Variants in OTX1 observed in about 807,000 individuals in gnomAD.
OTX1 encodes orthodenticle homeobox 1.
OTX1 carries 7 observed loss-of-function variants against 26.7 expected under a neutral mutation model. The ratio of observed to expected loss-of-function variants is 0.26; its 90% CI spans 0.15 to 0.49. The LOEUF (loss-of-function observed/expected upper bound fraction) is 0.49. Ranked by LOEUF, OTX1 falls within the 20% of genes least tolerant of loss-of-function variation. The pLI is 0.98. For synonymous variants in OTX1, 216 were observed against 212.8 expected (o/e 1.01, Z -0.13); for missense variants, 414 against 483.8 (o/e 0.86, Z 1.35).
rs2162011 is a variant in OTX1, at chr2:63,055,432, G to C, written c.250-69G>C. 2 of 1,492,420 alleles carry C rather than the reference G, an allele frequency of 1.3e-6. No individual in the cohort carries two copies. Among genetic ancestry groups the C allele is most frequent in the Admixed American group, 4.0e-5 (2 of 50,496 alleles). The allele number at this position is 1,492,420 out of a possible 1,614,324, so 92.4% of individuals were successfully genotyped here. A position where few individuals can be genotyped will look rare whatever the true frequency, so the allele number is the denominator to read the frequency against. Reference sequence around the variant, plus strand: ...ATATTCTGGACCGGGAGTTGGGTCCGCGGGGCGGTGGAGCAACAAGCTCCC... The same window carrying C: ...ATATTCTGGACCGGGAGTTGGGTCCCCGGGGCGGTGGAGCAACAAGCTCCC... On this transcript the variant is annotated intron_variant, in intron 4 of 4. Transcript: ENST00000282549. The surrounding 1 kb of genome is among the most constrained non-coding windows in gnomAD (Gnocchi z 5.2).
At chr2:63,052,855 T>A in intron 2 of OTX1, 25 bp from the exon 3 acceptor site, 1 of 610,798 alleles carries the variant, frequency 1.6e-6, no homozygotes, top group Non-Finnish European at 2.9e-6. Context: ...GATTGACGGT[T>A]TCCGTGTGTC....
Position 63,053,317 on chromosome 2 carries a change from G to T in OTX1, c.97+230G>T, listed in dbSNP as rs373192489. On this transcript the variant is annotated intron_variant, in intron 3 of 4. Transcript: ENST00000282549. ...CGCGCAATATGCGCCTTCCCGGCCGGATCACCGGCAACCTTTCTCCGGTTG... is the reference window on the plus strand; with the variant it reads ...CGCGCAATATGCGCCTTCCCGGCCGTATCACCGGCAACCTTTCTCCGGTTG... The T allele has an allele frequency of 3.2e-5, 14 of 441,700 alleles. No individual in the cohort carries two copies. In the East Asian group the frequency reaches 3.3e-4, roughly 10 times the overall value. 27.4% of individuals were successfully genotyped at this position (441,700 alleles called of 1,614,324 possible).
chr2:63,056,675 C>G lies in OTX1; in HGVS notation c.*359C>G, dbSNP rs764450158. The G allele has an allele frequency of 2.2e-4, 63 of 287,430 alleles. No individual in the cohort carries two copies. Among genetic ancestry groups the G allele is most frequent in the Non-Finnish European group, 2.8e-4 (43 of 151,252 alleles). The allele number at this position is 287,430 out of a possible 1,614,324, so 17.8% of individuals were successfully genotyped here. ...TTGCAGCCTTCGGAGGCTCTGCGCT[C>G]TGATCCGCTGTTTGAGCCCAACACT... On this transcript the variant is annotated 3_prime_UTR_variant, in exon 5 of 5. Coordinates refer to ENST00000282549, the MANE Select transcript of OTX1 (RefSeq NM_014562.4).
chr2:63,056,506 C>T lies in OTX1; in HGVS notation c.*190C>T. The T allele has an allele frequency of 3.3e-6, 2 of 614,208 alleles. No homozygotes were observed. The highest frequency in any genetic ancestry group is 5.7e-6 in the Non-Finnish European group (2 of 350,112). 38.0% of individuals were successfully genotyped at this position (614,208 alleles called of 1,614,324 possible). On this transcript the variant is annotated 3_prime_UTR_variant, in exon 5 of 5. Coordinates refer to ENST00000282549, the MANE Select transcript of OTX1 (RefSeq NM_014562.4). ...CCACTTGCTTGGGGGGATGTGCAAA[C>T]CCACCCTGCCCCTTGGATGGGGGGA...
At chr2:63,053,212 C>G in intron 3 of OTX1, 125 bp downstream of exon 3, 1 of 629,874 alleles carries the variant, frequency 1.6e-6, no homozygotes, top group Non-Finnish European at 2.7e-6. Flanking sequence ...ACAGGGCCCA[C>G]TGTCTGTTTA....
At position 63,055,904 on chromosome 2, in the gene OTX1, C is replaced by G; in HGVS notation, c.653C>G (p.Ala218Gly). 6.2e-7 allele frequency: 1 copy of G among 1,612,638 alleles called. No homozygotes were observed. Among genetic ancestry groups the G allele is most frequent in the Non-Finnish European group, 8.5e-7 (1 of 1,180,000 alleles). ...RSVAAGAATA[A>G]ASYPMSYGQG... ...GTAGCTGCAGGCGCCGCCACCGCAGCAGCCTCTTATCCCATGTCCTACGGC... is the reference window on the plus strand; with the variant it reads ...GTAGCTGCAGGCGCCGCCACCGCAGGAGCCTCTTATCCCATGTCCTACGGC... The change falls in exon 5 of 5, where the codon GCA (alanine) becomes GGA (glycine). Residue 218 changes from alanine to glycine, a missense_variant. Physicochemically the swap from Ala to Gly is moderately conservative, Grantham distance 60. Around this residue, in one of 3 missense-constraint regions of OTX1, gnomAD observed 320 missense variants for 347.9 expected, o/e 0.92. Coordinates refer to ENST00000282549, the MANE Select transcript of OTX1 (RefSeq NM_014562.4). This position sits in a 1 kb window ranked among gnomAD's most constrained non-coding sequence, Gnocchi z 5.2.
intron 2 of OTX1, chr2:63,052,017 T>A (rs1376828751): frequency 6.6e-6 from 1 of 152,476 alleles, no homozygotes; most frequent in African/African-American, 2.4e-5. Flanking sequence ...CGCGACTTGC[T>A]GCCCTCCGGC....
Position 63,056,168 on chromosome 2 carries a change from G to C in OTX1, c.917G>C (p.Gly306Ala), listed in dbSNP as rs768136497. The C allele has an allele frequency of 1.2e-6, 2 of 1,613,956 alleles. No individual in the cohort carries two copies. The highest frequency in any genetic ancestry group is 1.7e-6 in the Non-Finnish European group (2 of 1,180,010). The change falls in exon 5 of 5, where the codon GGC (glycine) becomes GCC (alanine). Residue 306 changes from glycine (G) to alanine (A), a missense_variant. Gly to Ala is a moderately conservative substitution (Grantham distance 60). Coordinates refer to ENST00000282549, the MANE Select transcript of OTX1 (RefSeq NM_014562.4). The part of the protein sequence containing the change: ...HHHHHHQGYG[G>A]SGLAFNSADC... ...CACCACCACCACCAAGGCTACGGTG[G>C]CTCTGGGCTTGCCTTCAACTCTGCC...
chr2:63,055,483 C>T lies in OTX1; in HGVS notation c.250-18C>T. 3.1e-6 allele frequency: 5 copies of T among 1,605,104 alleles called. No individual in the cohort carries two copies. The highest frequency in any genetic ancestry group is 4.3e-6 in the Non-Finnish European group (5 of 1,174,842). ...CTAGCTCCCTTTGACCCACTCTCCC[C>T]CATCCGGCCCACTGCAGGTCTGGTT... On this transcript the variant is annotated intron_variant, in intron 4 of 4. Transcript: ENST00000282549. The surrounding 1 kb of genome is among the most constrained non-coding windows in gnomAD (Gnocchi z 5.2).
rs778405239 is a variant in OTX1 at position 63,055,185 on chromosome 2, A to G, written c.250-316A>G. On this transcript the variant is annotated intron_variant, in intron 4 of 4. Transcript: ENST00000282549. The surrounding 1 kb of genome is among the most constrained non-coding windows in gnomAD (Gnocchi z 5.2). The stretch of plus-strand genomic sequence containing the variant: ...CGGAAGCAGCCAACAGCAGCAATTT[A>G]GAGATGGCAGAACTTCTGACTGGGC... Among the ~76,000 whole-genome samples the G allele has an allele frequency of 5.3e-5, 8 of 152,254 alleles. No individual in the cohort carries two copies. The highest frequency in any genetic ancestry group is 8.8e-5 in the Non-Finnish European group (6 of 68,048).
rs897868003 is a variant in OTX1 at position 63,055,407 on chromosome 2, A to C, written c.250-94A>C. 48 of 1,347,724 alleles carry C rather than the reference A, an allele frequency of 3.6e-5. No homozygotes were observed. The highest frequency in any genetic ancestry group is 4.8e-5 in the Non-Finnish European group (47 of 981,764). 83.5% of individuals were successfully genotyped at this position (1,347,724 alleles called of 1,614,324 possible). ...GAGGCCTCGGTGAGAAAGGATTGCG[A>C]TATTCTGGACCGGGAGTTGGGTCCG... On this transcript the variant is annotated intron_variant, in intron 4 of 4. Coordinates refer to ENST00000282549, the MANE Select transcript of OTX1 (RefSeq NM_014562.4). This position sits in a 1 kb window ranked among gnomAD's most constrained non-coding sequence, Gnocchi z 5.2.
In OTX1 at chr2:63,052,926, GC is replaced by G; in HGVS notation, c.-62del. On this transcript the variant is annotated 5_prime_UTR_variant, in exon 3 of 5. Coordinates refer to ENST00000282549, the MANE Select transcript of OTX1 (RefSeq NM_014562.4). The stretch of plus-strand genomic sequence containing the variant: ...GACCCTGAAGGACTGCGTGGTGGGA[GC>G]CCTGCACCGCTCCTGGCCCCGGGCC... 9.6e-7 allele frequency: 1 copy of G among 1,044,826 alleles called. No homozygotes were observed. 64.7% of individuals were successfully genotyped at this position (1,044,826 alleles called of 1,614,324 possible). A position where few individuals can be genotyped will look rare whatever the true frequency, so the allele number is the denominator to read the frequency against.
At position 63,053,057 on chromosome 2, in the gene OTX1, G is replaced by A; in HGVS notation, c.67G>A (p.Asp23Asn). 1 of 1,602,684 alleles carries A rather than the reference G, an allele frequency of 6.2e-7. No homozygotes were observed. The highest frequency in any genetic ancestry group is 8.5e-7 in the Non-Finnish European group (1 of 1,175,694). The change falls in exon 3 of 5, where the codon GAC becomes AAC. Residue 23 changes from aspartate (D) to asparagine (N), a missense_variant. Coordinates refer to ENST00000282549, the MANE Select transcript of OTX1 (RefSeq NM_014562.4). ...NGLGLAGPAM[D>N]LLHPSVGYPA... ...GCTGGGCCTGGCCGGGCCCGCCATG[G>A]ACCTCCTGCACCCATCCGTGGGCTA...
rs369382436 is a variant in OTX1 at position 63,053,012 on chromosome 2, C to G, written c.22C>G (p.Pro8Ala). MMSYLKQPPYGMNGLGLA... is the reference protein window; with the variant it reads MMSYLKQAPYGMNGLGLA... ...TAGCATGATGTCTTACCTCAAACAA[C>G]CCCCATACGGCATGAACGGGCTGGG... Residue 8 changes from proline (P) to alanine (A), a missense_variant, in exon 3 of 5, where the codon CCC becomes GCC. Physicochemically the swap from Pro to Ala is conservative, Grantham distance 27. This residue lies in a region of OTX1 where 48 missense variants were observed against 41.6 expected (regional missense o/e 1.15). Coordinates refer to ENST00000282549, the MANE Select transcript of OTX1 (RefSeq NM_014562.4). 3 of 1,610,492 alleles carry G rather than the reference C, an allele frequency of 1.9e-6. No homozygotes were observed. The East Asian group carries it at 6.8e-5, about 36-fold the overall frequency.
chr2:63,054,329 C>A, intron 4 of OTX1, 131 bp downstream of exon 4: 2 of 860,500 alleles, frequency 2.3e-6, no homozygotes, highest in Non-Finnish European at 3.2e-6. Flanking sequence ...GGCAGCCGCT[C>A]TCGGACTCCC....
At chr2:63,054,251 G>A in intron 4 of OTX1, 53 bp downstream of exon 4, 1 of 1,496,574 alleles carries the variant, frequency 6.7e-7, no homozygotes, top group Non-Finnish European at 8.9e-7. Flanking sequence ...GGCTGCTCGG[G>A]GAAGGTCTAG....
At position 63,054,214 on chromosome 2, in the gene OTX1, G is replaced by C; in HGVS notation, c.249+16G>C. ...TAGAGTCCAGGTGCGCACTCCCCGG[G>C]CTCCAGGGTCTGGGTAGGGGAGCTG... On this transcript the variant is annotated intron_variant, in intron 4 of 4. Transcript: ENST00000282549. 1.3e-6 allele frequency: 2 copies of C among 1,574,640 alleles called. No individual in the cohort carries two copies. The highest frequency in any genetic ancestry group is 1.7e-6 in the Non-Finnish European group (2 of 1,158,992).
At position 63,057,513 on chromosome 2, in the gene OTX1, G is replaced by C. The variant is rs2062077033; in HGVS notation, c.*1197G>C. The C allele has an allele frequency of 6.6e-6, 1 of 152,296 alleles. No individual in the cohort carries two copies. The highest frequency in any genetic ancestry group is 6.5e-5 in the Admixed American group (1 of 15,276). The allele number at this position is 152,296 out of a possible 1,614,324, so 9.4% of individuals were successfully genotyped here. A position where few individuals can be genotyped will look rare whatever the true frequency, so the allele number is the denominator to read the frequency against. ...AAAACAACAAAACAAAACAAAATCCGTAAAAGTACAGCATTAGGGAAAAAC... is the reference window on the plus strand; with the variant it reads ...AAAACAACAAAACAAAACAAAATCCCTAAAAGTACAGCATTAGGGAAAAAC... On this transcript the variant is annotated 3_prime_UTR_variant, in exon 5 of 5. Transcript: ENST00000282549.
intron 3 of OTX1, chr2:63,053,376 G>C: frequency 2.7e-6 from 1 of 369,970 alleles, no homozygotes. Flanking sequence ...TCATTTACTT[G>C]CGGATTCGCT....
Sources: allele counts gnomAD v4.1 joint callset (sites outside exome capture counted in the v4.1 genomes callset), GRCh38; gene constraint gnomAD v4.1.1; regional missense constraint gnomAD v4.1.1; non-coding constraint Gnocchi (gnomAD v3.1); transcripts MANE v1.5; gene names NCBI Gene and HGNC (gene_info 2026-07-23, HGNC 2026-07-21).